SSR4: variants seen among roughly 807,000 people sequenced by gnomAD.
SSR4 encodes the protein translocon-associated protein subunit delta.
For missense variants in SSR4, 125 were observed against 148.8 expected, an observed-to-expected ratio of 0.84 and a Z score of 0.83; for synonymous variants, 84 against 65.6, an observed-to-expected ratio of 1.28 and a Z score of -1.35.
intron 1 of SSR4, chrX:153,795,765 C>T (rs1557072165): frequency 1.3e-6 from 1 of 754,005 alleles, no homozygotes; most frequent in Non-Finnish European, 1.6e-6. Context: ...TGGCTGAGAA[C>T]ATTCCCACTT....
chrX:153,796,507 C>G lies in SSR4; in HGVS notation c.141C>G (p.Thr47=), dbSNP rs183969617. The G allele has an allele frequency of 5.0e-6, 6 of 1,210,880 alleles. No individual in the cohort carries two copies. In the South Asian group the frequency reaches 1.1e-4, roughly 21 times the overall value. Residue 47 remains threonine, a synonymous_variant, in exon 2 of 6, where the codon ACC becomes ACG. Coordinates refer to ENST00000370086, the MANE Select transcript of SSR4 (RefSeq NM_006280.3). The part of the protein sequence containing the change: ...TTSDAVISTE[T]VFIVEISLTC... Reference sequence around the variant, plus strand: ...CTGACGCTGTCATTTCCACTGAGACCGTCTTCATTGTGGAGATCTCCCTGA... The same window carrying G: ...CTGACGCTGTCATTTCCACTGAGACGGTCTTCATTGTGGAGATCTCCCTGA...
At chrX:153,794,509 G>T, upstream of SSR4, 1 of 1,159,623 alleles carries the variant, frequency 8.6e-7, no homozygotes, top group Non-Finnish European at 1.2e-6. Context: ...GGGGGACCGC[G>T]ACCAGCTGGG....
intron 2 of SSR4, chrX:153,796,941 C>T (rs2092145325): frequency 5.4e-6 from 1 of 186,716 alleles, no homozygotes. Flanking sequence ...AGTGCATTGG[C>T]ACGATCTTGG....
At chrX:153,797,133 C>T (rs192466768) in intron 2 of SSR4, 13 of 312,534 alleles carry the variant, frequency 4.2e-5, no homozygotes, top group African/African-American at 2.9e-4. Context: ...CCACTGGGCA[C>T]CCCTGACCCC....
upstream of SSR4, chrX:153,794,496 A>T (rs1603257042): frequency 8.6e-7 from 1 of 1,156,290 alleles, no homozygotes; most frequent in Non-Finnish European, 1.2e-6. Context: ...CGCCATGTTG[A>T]GGGGGGGACC....
At chrX:153,794,784 C>A (rs782552919) in intron 1 of SSR4, 30 bp downstream of exon 1, 2 of 1,202,284 alleles carry the variant, frequency 1.7e-6, no homozygotes, top group South Asian at 3.6e-5. Context: ...TTCTTTCTTG[C>A]GAGCCTCTGA....
At chrX:153,794,656 C>G (rs782678482), upstream of SSR4, 4 of 1,210,727 alleles carry the variant, frequency 3.3e-6, no homozygotes, top group South Asian at 1.8e-5. Context: ...CATGGGAGCT[C>G]GTTTTCTTTT....
chrX:153,797,689 CCACTCTGCCCA>C (rs1557072965), intron 3 of SSR4, 25 bp from the exon 4 acceptor site: 1 of 1,179,648 alleles, frequency 8.5e-7, no homozygotes, highest in Admixed American at 2.2e-5. Flanking sequence ...CCCTCCGTGT[CCACTCTGCCCA>C]CACTCTGCTC....
At chrX:153,796,184 C>G in intron 1 of SSR4, 1 of 384,866 alleles carries the variant, frequency 2.6e-6, no homozygotes, top group Non-Finnish European at 4.6e-6. Context: ...CCCCAGTTCG[C>G]TCTTCCTGCA....
At chrX:153,795,920 T>A in intron 1 of SSR4, 1 of 685,762 alleles carries the variant, frequency 1.5e-6, no homozygotes, top group South Asian at 7.4e-5. Flanking sequence ...TCCCGTTTAC[T>A]TCTTCAGGAA....
At chrX:153,798,045 G>C (rs369817505) in intron 4 of SSR4, 26 bp from the exon 5 acceptor site, 1 of 831,425 alleles carries the variant, frequency 1.2e-6, no homozygotes, top group South Asian at 2.1e-5. Flanking sequence ...CCTGACCCCA[G>C]CACCTCCCTT....
intron 2 of SSR4, 104 bp downstream of exon 2, chrX:153,796,656 T>A: frequency 1.5e-6 from 1 of 653,850 alleles, no homozygotes. Flanking sequence ...ATTCCAACTC[T>A]TGGGGTGCCG....
At chrX:153,795,516 A>G (rs1177101742) in intron 1 of SSR4, 4 of 202,395 alleles carry the variant, frequency 2.0e-5, no homozygotes, top group Non-Finnish European at 3.0e-5. Context: ...TCCCTGAACT[A>G]TAGTCAGGGA....
At chrX:153,797,430 G>T in intron 2 of SSR4, 28 bp from the exon 3 acceptor site, 1 of 1,190,657 alleles carries the variant, frequency 8.4e-7, no homozygotes, top group Non-Finnish European at 1.1e-6. Context: ...GGGGCAGAAG[G>T]TGACCCTGCC....
upstream of SSR4, chrX:153,794,468 C>T (rs2092125837): frequency 8.7e-7 from 1 of 1,143,495 alleles, no homozygotes; most frequent in Admixed American, 2.7e-5. Context: ...CCCCTTCCGG[C>T]GCCTAGAGCA....
intron 4 of SSR4, 41 bp downstream of exon 4, chrX:153,797,855 G>C: frequency 9.2e-7 from 1 of 1,092,471 alleles, no homozygotes; most frequent in Non-Finnish European, 1.2e-6. Flanking sequence ...CTGTCCCTGG[G>C]GAGCAGGATG....
intron 2 of SSR4, chrX:153,797,146 C>T (rs2092146627): frequency 3.0e-6 from 1 of 329,672 alleles, no homozygotes. Flanking sequence ...CTGACCCCAG[C>T]ACCTCCCTTG....
chrX:153,794,513 A>T, upstream of SSR4: 1 of 1,161,383 alleles, frequency 8.6e-7, no homozygotes, highest in Non-Finnish European at 1.2e-6. Context: ...GACCGCGACC[A>T]GCTGGGCCCC....
chrX:153,796,908 TCTCA>T (rs1196420468), intron 2 of SSR4: 15 of 204,780 alleles, frequency 7.3e-5, no homozygotes, highest in African/African-American at 1.7e-4. Context: ...TGAGATAGGG[TCTCA>T]CTCTGTTGCC....
Sources: allele counts gnomAD v4.1 joint callset, GRCh38; gene constraint gnomAD v4.1.1; transcripts MANE v1.5; gene names NCBI Gene and HGNC (gene_info 2026-07-23, HGNC 2026-07-21).